The following EMC2 variants were observed in gnomAD, a reference collection of about 807,000 sequenced individuals.
The protein encoded by EMC2 is TPR repeat protein 35.
A neutral mutation model predicts 51.6 loss-of-function variants in EMC2; 37 were observed. The observed-to-expected ratio is 0.72, with a 90% confidence interval of 0.55 to 0.94. The LOEUF is 0.94. Ranked by LOEUF, EMC2 falls within the 40% of genes least tolerant of loss-of-function variation. The pLI is 0.00. For missense variants in EMC2, 359 were observed against 350.9 expected (o/e 1.02, Z -0.18); for synonymous variants, 131 against 112.4 (o/e 1.17, Z -1.04).
chr8:108,461,443 T>G (rs1477072375), intron 5 of EMC2, among the ~76,000 whole-genome samples: 2 of 152,194 alleles, frequency 1.3e-5, no homozygotes, highest in Admixed American at 6.5e-5. Context: ...TGAAACTGAT[T>G]TATTAAATTC....
In EMC2 at chr8:108,479,095, A is replaced by C; in HGVS notation, c.792A>C (p.Ile264=). 3 of 1,567,982 alleles carry C rather than the reference A, an allele frequency of 1.9e-6. No homozygotes were observed. The highest frequency in any genetic ancestry group is 2.6e-6 in the Non-Finnish European group (3 of 1,154,844). ...MKYASWAASQ[I]NRAYQFAGRS... ...ATGCTAGTTGGGCAGCTAGTCAAATAAACAGAGCTTATCAGGTTAGTATTT... is the reference window on the plus strand; with the variant it reads ...ATGCTAGTTGGGCAGCTAGTCAAATCAACAGAGCTTATCAGGTTAGTATTT... The change falls in exon 10 of 11, where the codon ATA becomes ATC. Residue 264 remains isoleucine (I), a synonymous_variant. Coordinates refer to ENST00000220853, the MANE Select transcript of EMC2 (RefSeq NM_014673.5).
At chr8:108,478,957 T>C (rs752257944) in intron 9 of EMC2, 49 bp from the exon 10 acceptor site, 1 of 1,063,418 alleles carries the variant, frequency 9.4e-7, no homozygotes, top group Non-Finnish European at 1.4e-6. Flanking sequence ...TTGATTATCT[T>C]GACTAGCAAA....
At chr8:108,486,402 T>C in intron 10 of EMC2, 110 bp from the exon 11 acceptor site, 1 of 1,336,092 alleles carries the variant, frequency 7.5e-7, no homozygotes. Flanking sequence ...GATTTCCTAC[T>C]AGTGATAAAA....
chr8:108,476,560 C>T (rs772614013), intron 8 of EMC2, among the ~76,000 whole-genome samples: 4 of 151,912 alleles, frequency 2.6e-5, no homozygotes, highest in Non-Finnish European at 5.9e-5. Context: ...AGAAACTACT[C>T]AGTCATCTCA....
At chr8:108,453,356 C>A (rs1404817086) in intron 4 of EMC2, among the ~76,000 whole-genome samples, 2 of 152,040 alleles carry the variant, frequency 1.3e-5, no homozygotes, top group South Asian at 2.1e-4. Flanking sequence ...CTTCTTTAGT[C>A]TTTACCCATT....
At chr8:108,475,991 A>G in intron 8 of EMC2, 28 bp downstream of exon 8, 1 of 1,307,096 alleles carries the variant, frequency 7.7e-7, no homozygotes, top group South Asian at 1.3e-5. Flanking sequence ...AATGGCATAT[A>G]ATTTTATTTT....
At chr8:108,457,943 A>T (rs1406267146) in intron 5 of EMC2, among the ~76,000 whole-genome samples, 1 of 152,192 alleles carries the variant, frequency 6.6e-6, no homozygotes, top group Non-Finnish European at 1.5e-5. Flanking sequence ...ATCCTGTAAA[A>T]TCAAAGGCAA....
At chr8:108,467,199 G>A (rs777845674) in intron 5 of EMC2, among the ~76,000 whole-genome samples, 4 of 152,168 alleles carry the variant, frequency 2.6e-5, no homozygotes, top group Non-Finnish European at 4.4e-5. Flanking sequence ...GTATGAATGC[G>A]TGGAAACTAA....
intron 4 of EMC2, among the ~76,000 whole-genome samples, chr8:108,455,143 T>C (rs1819119859): frequency 6.6e-6 from 1 of 152,102 alleles, no homozygotes; most frequent in South Asian, 2.1e-4. Flanking sequence ...TTTCAACGAT[T>C]AAACATTTTC....
chr8:108,469,141 G>A (rs977451070), intron 5 of EMC2, among the ~76,000 whole-genome samples: 15 of 152,030 alleles, frequency 9.9e-5, no homozygotes, highest in African/African-American at 3.6e-4. Flanking sequence ...ATGAGAATGA[G>A]CTTCTGCAAG....
chr8:108,444,342 T>A (rs1286319933), intron 1 of EMC2, among the ~76,000 whole-genome samples: 1 of 152,208 alleles, frequency 6.6e-6, no homozygotes, highest in Non-Finnish European at 1.5e-5. Context: ...TAATTAACTC[T>A]GGGCTACGTA....
intron 5 of EMC2, among the ~76,000 whole-genome samples, chr8:108,456,502 G>GA (rs373998414): frequency 6.6e-6 from 1 of 151,614 alleles, no homozygotes; most frequent in African/African-American, 2.4e-5. Flanking sequence ...TTGTCTTAAT[G>GA]AAAAAAAAGC....
At chr8:108,450,846 C>T (rs1347182105) in intron 3 of EMC2, among the ~76,000 whole-genome samples, 1 of 152,120 alleles carries the variant, frequency 6.6e-6, no homozygotes, top group African/African-American at 2.4e-5. Flanking sequence ...AATACTGTTA[C>T]ACAATATTAT....
Position 108,457,654 on chromosome 8 carries a change from G to A in EMC2, c.363+1724G>A, listed in dbSNP as rs148175903. ...ACTCTTTCACTATCACAAGAACAGTGCAGGAGATACCCGCCCCCATAATTC... is the reference window on the plus strand; with the variant it reads ...ACTCTTTCACTATCACAAGAACAGTACAGGAGATACCCGCCCCCATAATTC... On this transcript the variant is annotated intron_variant, in intron 5 of 10. Transcript: ENST00000220853. Among the ~76,000 whole-genome samples, 9 of 152,188 alleles carry A rather than the reference G, an allele frequency of 5.9e-5. No homozygotes were observed. In the East Asian group the frequency reaches 1.7e-3, roughly 29 times the overall value.
chr8:108,480,590 C>A (rs1244339599), intron 10 of EMC2, among the ~76,000 whole-genome samples: 1 of 152,168 alleles, frequency 6.6e-6, no homozygotes, highest in African/African-American at 2.4e-5. Flanking sequence ...AGGTGTTGCT[C>A]TCACTTTAAA....
intron 5 of EMC2, among the ~76,000 whole-genome samples, chr8:108,460,826 A>G (rs1247429332): frequency 4.6e-5 from 7 of 152,336 alleles, no homozygotes; most frequent in Admixed American, 1.3e-4. Context: ...GACTTAATTC[A>G]GCTTTGCTAA....
At position 108,446,262 on chromosome 8, in the gene EMC2, AAG is replaced by A. The variant is rs751876197; in HGVS notation, c.40+2565_40+2566del. 6.5e-4 allele frequency: 267 copies of A among 413,054 alleles called. 1 individual carries two copies. Among genetic ancestry groups the A allele is most frequent in the Middle Eastern group, 1.5e-3 (4 of 2,676 alleles). The allele number at this position is 413,054 out of a possible 1,614,324, so 25.6% of individuals were successfully genotyped here. A position where few individuals can be genotyped will look rare whatever the true frequency, so the allele number is the denominator to read the frequency against. ...AGAAGTAAATATTAGTGGAATAATG[AAG>A]TATAGTTCCAGTCATACACTATACT... is the stretch of plus-strand genomic sequence containing the variant. On this transcript the variant is annotated intron_variant, in intron 1 of 10. Transcript: ENST00000220853.
intron 1 of EMC2, among the ~76,000 whole-genome samples, chr8:108,447,758 G>C (rs1818912577): frequency 6.6e-6 from 1 of 152,096 alleles, no homozygotes; most frequent in Non-Finnish European, 1.5e-5. Flanking sequence ...GTACAAGCAA[G>C]CAGTGAGAAG....
At chr8:108,446,633 T>C (rs1818883622) in intron 1 of EMC2, among the ~76,000 whole-genome samples, 1 of 152,134 alleles carries the variant, frequency 6.6e-6, no homozygotes, top group Non-Finnish European at 1.5e-5. Context: ...ATGTGAACAT[T>C]GGGAAGGGAG....
Sources: allele counts gnomAD v4.1 joint callset (sites outside exome capture counted in the v4.1 genomes callset), GRCh38; gene constraint gnomAD v4.1.1; transcripts MANE v1.5; gene names NCBI Gene and HGNC (gene_info 2026-07-23, HGNC 2026-07-21).